Variants in TET2 observed in about 807,000 individuals in gnomAD.
TET2 encodes methylcytosine dioxygenase TET2.
A neutral mutation model predicts 142.9 loss-of-function variants in TET2; 299 were observed. That is an observed-to-expected ratio of 2.09 (90% CI 1.90 to 2.30). The LOEUF (loss-of-function observed/expected upper bound fraction) is 2.30. TET2 is among the 30% of genes most tolerant of loss of function. TET2 has a pLI of 0.00. For synonymous variants in TET2, 819 were observed against 849.0 expected (o/e 0.96, Z 0.61); for missense variants, 2,418 against 2,378.0 (o/e 1.02, Z -0.35).
intron 2 of TET2, among the ~76,000 whole-genome samples, chr4:105,196,339 A>G (rs1726092219): frequency 6.6e-6 from 1 of 152,048 alleles, no homozygotes; most frequent in Non-Finnish European, 1.5e-5. Context: ...AGTTTTTGCA[A>G]TTAGAATGGA....
rs1731374290 is a variant in TET2 at position 105,279,784 on chromosome 4, A to G, written c.*3265A>G. 4.7e-6 allele frequency: 1 copy of G among 212,662 alleles called. No individual in the cohort carries two copies. 13.2% of individuals were successfully genotyped at this position (212,662 alleles called of 1,614,324 possible). A position where few individuals can be genotyped will look rare whatever the true frequency, so the allele number is the denominator to read the frequency against. On this transcript the variant is annotated 3_prime_UTR_variant, in exon 11 of 11. Transcript: ENST00000380013. ...TGTGAGTGTTTTTAATAAAATTTAT[A>G]TTTATTTAATGCACTCTAAGTGTTG...
intron 1 of TET2, among the ~76,000 whole-genome samples, chr4:105,175,971 C>T (rs760496402): frequency 3.3e-5 from 5 of 152,050 alleles, no homozygotes; most frequent in Non-Finnish European, 7.4e-5. Flanking sequence ...CAAAATTGTC[C>T]TTCAGAAGTT....
intron 2 of TET2, among the ~76,000 whole-genome samples, chr4:105,207,641 A>C (rs1255508244): frequency 6.6e-6 from 1 of 152,156 alleles, no homozygotes; most frequent in Non-Finnish European, 1.5e-5. Flanking sequence ...AAAAGAGTTT[A>C]GCGATTTCCT....
chr4:105,163,806 C>CGAGAGAGAGAGAGAGA (rs59658275), intron 1 of TET2, among the ~76,000 whole-genome samples: 24 of 79,790 alleles, frequency 3.0e-4, no homozygotes, highest in Admixed American at 5.4e-4. Context: ...TCGAAAGTTT[C>CGAGAGAGAGAGAGAGA]GAGAGAGAGA....
At chr4:105,242,109 T>G in intron 4 of TET2, 1 of 1,186,730 alleles carries the variant, frequency 8.4e-7, no homozygotes, top group Non-Finnish European at 1.1e-6. Flanking sequence ...GTAGGCAGTA[T>G]TATTATTAAA....
Position 105,241,350 on chromosome 4 carries a change from GA to G in TET2, c.3426del (p.Asp1143MetfsTer9). Reference protein sequence around the residue: ...PSCRCVEQIIEKDEGPFYTHL... With the variant: ...PSCRCVEQIIXKDEGPFYTHL... ...TATTATCTCAACAGAGCAAATTATT[GA>G]AAAAGATGAAGGTCCTTTTTATACC... On this transcript the variant is annotated frameshift_variant, in exon 4 of 11. Transcript: ENST00000380013. LOFTEE classifies it high-confidence loss of function. 1.3e-6 allele frequency: 2 copies of G among 1,545,546 alleles called. No individual in the cohort carries two copies. Among genetic ancestry groups the G allele is most frequent in the Non-Finnish European group, 1.7e-6 (2 of 1,144,358 alleles).
chr4:105,148,011 T>C (rs1723117450), intron 1 of TET2, among the ~76,000 whole-genome samples: 1 of 152,120 alleles, frequency 6.6e-6, no homozygotes, highest in African/African-American at 2.4e-5. Flanking sequence ...TCTCTGCCTT[T>C]CTCTCTGTGT....
intron 2 of TET2, among the ~76,000 whole-genome samples, chr4:105,200,173 G>T (rs1352322631): frequency 6.6e-6 from 1 of 152,106 alleles, no homozygotes; most frequent in Non-Finnish European, 1.5e-5. Flanking sequence ...GCATATAAGT[G>T]TTCCTTTTTC....
chr4:105,241,163 T>C, intron 3 of TET2, 176 bp from the exon 4 acceptor site: 1 of 1,276,514 alleles, frequency 7.8e-7, no homozygotes, highest in Non-Finnish European at 1.0e-6. Flanking sequence ...TATACTTAAT[T>C]ATGTGGCACA....
intron 3 of TET2, chr4:105,237,652 C>T: frequency 7.1e-7 from 1 of 1,403,626 alleles, no homozygotes; most frequent in South Asian, 1.5e-5. Context: ...GCCTATTTAG[C>T]TCTTTGTATA....
At chr4:105,245,668 T>C (rs987295056) in intron 6 of TET2, among the ~76,000 whole-genome samples, 1 of 152,176 alleles carries the variant, frequency 6.6e-6, no homozygotes, top group Non-Finnish European at 1.5e-5. Flanking sequence ...CCTCTTGCTC[T>C]TTCTGAAGAA....
Position 105,215,939 on chromosome 4 carries a change from G to C in TET2, c.-46-17958G>C, listed in dbSNP as rs140115170. ...TAAGTCAATACCTTTGAAGAGACAT[G>C]TCTGACAACTCAGAGTTCTATTTTC... On this transcript the variant is annotated intron_variant, in intron 2 of 10. Transcript: ENST00000380013. Among the ~76,000 whole-genome samples the C allele has an allele frequency of 6.8e-3, 1,029 of 152,282 alleles. 11 individuals are homozygous for C. The highest frequency in any genetic ancestry group is 0.023 in the African/African-American group (972 of 41,574).
intron 2 of TET2, among the ~76,000 whole-genome samples, chr4:105,215,765 G>A (rs1414793524): frequency 6.6e-6 from 1 of 152,070 alleles, no homozygotes; most frequent in African/African-American, 2.4e-5. Context: ...ACCACAAAGA[G>A]AACATTGAAA....
At position 105,170,815 on chromosome 4, in the gene TET2, ATGTGCGACACTACT is replaced by A. The variant is rs578254660; in HGVS notation, c.-192-19541_-192-19528del. Among the ~76,000 whole-genome samples the A allele has an allele frequency of 6.0e-4, 91 of 152,288 alleles. 2 individuals carry two copies. The highest frequency in any genetic ancestry group is 2.1e-3 in the African/African-American group (87 of 41,550). On this transcript the variant is annotated intron_variant, in intron 1 of 10. Transcript: ENST00000380013. The stretch of plus-strand genomic sequence containing the variant: ...GCGGCTACCTCAAAATATAAACATG[ATGTGCGACACTACT>A]TGTTAGTTTTGAACAACTGATTTAT...
chr4:105,187,265 T>C (rs1321822697), intron 1 of TET2, among the ~76,000 whole-genome samples: 1 of 152,220 alleles, frequency 6.6e-6, no homozygotes, highest in Non-Finnish European at 1.5e-5. Flanking sequence ...TGTTTTACTA[T>C]TTTAAACAGA....
chr4:105,249,583 G>A (rs1342761629), intron 6 of TET2, among the ~76,000 whole-genome samples: 1 of 152,164 alleles, frequency 6.6e-6, no homozygotes, highest in Non-Finnish European at 1.5e-5. Flanking sequence ...GAAGGTTCCA[G>A]TGTATCTCCA....
rs1553918709 is a variant in TET2, at chr4:105,276,838, T to TACC, written c.*319_*320insACC. On this transcript the variant is annotated 3_prime_UTR_variant, in exon 11 of 11. Coordinates refer to ENST00000380013, the MANE Select transcript of TET2 (RefSeq NM_001127208.3). ...TGGACGAGATGATATGTAAATGTGATCCCCCCCCCCCGCTTACAACTCTAC... is the reference window on the plus strand; with the variant it reads ...TGGACGAGATGATATGTAAATGTGATACCCCCCCCCCCCCGCTTACAACTCTAC... 1 of 144,462 alleles carries TACC rather than the reference T, an allele frequency of 6.9e-6. No individual in the cohort carries two copies. The highest frequency in any genetic ancestry group is 4.1e-5 in the African/African-American group (1 of 24,658). 8.9% of individuals were successfully genotyped at this position (144,462 alleles called of 1,614,324 possible).
intron 1 of TET2, among the ~76,000 whole-genome samples, chr4:105,173,390 C>T (rs980042466): frequency 1.3e-5 from 2 of 151,552 alleles, no homozygotes; most frequent in Admixed American, 6.6e-5. Context: ...AAAACTAGCC[C>T]GGCATGGTGG....
At position 105,269,720 on chromosome 4, in the gene TET2, G is replaced by C. The variant is rs1730861238; in HGVS notation, c.4155G>C (p.Leu1385Phe). 1 of 1,551,518 alleles carries C rather than the reference G, an allele frequency of 6.4e-7. No homozygotes were observed. Among genetic ancestry groups the C allele is most frequent in the Non-Finnish European group, 8.7e-7 (1 of 1,146,948 alleles). ...LDFCAHAHRD[L>F]HNMQNGSTLV... is the part of the protein sequence containing the mutation. ...TCTGTGCTCATGCCCACAGAGACTT[G>C]CACAACATGCAGAATGGCAGCACAT... Residue 1385 changes from leucine (L) to phenylalanine (F), a missense_variant, in exon 9 of 11, where the codon TTG becomes TTC. Leu to Phe is a conservative substitution (Grantham distance 22). Transcript: ENST00000380013.
Sources: gnomAD v4.1 joint callset for allele counts (sites outside exome capture counted in the v4.1 genomes callset) on GRCh38, gnomAD v4.1.1 for gene constraint, MANE v1.5 for transcripts, NCBI Gene and HGNC (gene_info 2026-07-23, HGNC 2026-07-21) for gene names.